ABCB1: variants seen among roughly 807,000 people sequenced by gnomAD.
The protein encoded by ABCB1 is ATP-dependent translocase ABCB1.
A neutral mutation model predicts 142.0 loss-of-function variants in ABCB1; 69 were observed. The observed-to-expected ratio is 0.49, with a 90% CI of 0.40 to 0.59. The LOEUF is 0.59. ABCB1 is among the 20% of genes least tolerant of loss of function. The probability of loss-of-function intolerance (pLI) is 0.00; values close to 1 mark genes in which losing one functional copy is unlikely to be tolerated. For missense variants in ABCB1, 1,326 were observed against 1,554.7 expected (o/e 0.85, Z 2.47); for synonymous variants, 532 against 539.2 (o/e 0.99, Z 0.18).
intron 1 of ABCB1, among the ~76,000 whole-genome samples, chr7:87,649,814 G>A (rs1331632943): frequency 6.6e-6 from 1 of 152,122 alleles, no homozygotes; most frequent in Non-Finnish European, 1.5e-5. Context: ...CCTTTCCCAT[G>A]CTGTTCTTGT....
At chr7:87,646,569 C>T (rs1362515922) in intron 1 of ABCB1, among the ~76,000 whole-genome samples, 1 of 152,064 alleles carries the variant, frequency 6.6e-6, no homozygotes, top group African/African-American at 2.4e-5. Context: ...CTTTCTTATT[C>T]CATTCTACTG....
chr7:87,545,731 C>T (rs1024945133), intron 15 of ABCB1, 132 bp downstream of exon 15: 3 of 924,422 alleles, frequency 3.2e-6, no homozygotes, highest in Non-Finnish European at 4.8e-6. Context: ...ACACTGGTCT[C>T]ATCCTGAATC....
At position 87,648,708 on chromosome 7, in the gene ABCB1, G is replaced by A. The variant is rs28746500; in HGVS notation, c.-330-47630C>T. On this transcript the variant is annotated intron_variant, in intron 1 of 28. Coordinates refer to the ABCB1 transcript ENST00000265724. Reference sequence around the variant, plus strand: ...AATGTTTTAGTATTTTTTATTTCCCGATATAACTGGTTGTAAGAAAGTTTT... The same window carrying A: ...AATGTTTTAGTATTTTTTATTTCCCAATATAACTGGTTGTAAGAAAGTTTT... Among the ~76,000 whole-genome samples, 192 of 151,870 alleles carry A rather than the reference G, an allele frequency of 1.3e-3. 2 individuals are homozygous for A. Among genetic ancestry groups the A allele is most frequent in the South Asian group, 0.011 (52 of 4,798 alleles).
rs113822506 is a variant in ABCB1 at position 87,522,368 on chromosome 7, G to A, written c.2686-1492C>T. On this transcript the variant is annotated intron_variant, in intron 21 of 27. Transcript: ENST00000622132. ...CAAACCATGAAACCAAGGTGGCTAT[G>A]GCAGTTCCAGTAGCAGCAGTAGCTA... The A allele has an allele frequency of 2.1e-3, 1,486 of 718,142 alleles. 14 individuals carry two copies. In the African/African-American group the frequency reaches 0.022, roughly 11 times the overall value. 44.5% of individuals were successfully genotyped at this position (718,142 alleles called of 1,614,324 possible).
intron 4 of ABCB1, among the ~76,000 whole-genome samples, chr7:87,573,184 A>G (rs1818124856): frequency 6.6e-6 from 1 of 152,220 alleles, no homozygotes; most frequent in Non-Finnish European, 1.5e-5. Context: ...ACGACAGTCA[A>G]GAGGGCACAT....
At chr7:87,539,782 T>C (rs1211709728) in intron 18 of ABCB1, among the ~76,000 whole-genome samples, 2 of 152,204 alleles carry the variant, frequency 1.3e-5, no homozygotes, top group Non-Finnish European at 2.9e-5. Flanking sequence ...GACTTTGTTC[T>C]CACCTGTTTT....
intron 8 of ABCB1, among the ~76,000 whole-genome samples, chr7:87,560,117 A>G (rs1817497973): frequency 6.6e-6 from 1 of 152,226 alleles, no homozygotes; most frequent in East Asian, 1.9e-4. Flanking sequence ...TACCACCCCC[A>G]TTAGAATTTA....
chr7:87,664,598 A>C (rs1463403113), intron 1 of ABCB1, among the ~76,000 whole-genome samples: 1 of 152,170 alleles, frequency 6.6e-6, no homozygotes, highest in Non-Finnish European at 1.5e-5. Context: ...ATTTAAAAGT[A>C]TGATGTCTGA....
chr7:87,702,954 C>A (rs1829226566), intron 1 of ABCB1, among the ~76,000 whole-genome samples: 1 of 152,124 alleles, frequency 6.6e-6, no homozygotes, highest in South Asian at 2.1e-4. Context: ...TCACTCAACT[C>A]AGGTATCAAA....
chr7:87,606,037 T>C (rs1819639369), intron 1 of ABCB1, among the ~76,000 whole-genome samples: 1 of 151,972 alleles, frequency 6.6e-6, no homozygotes, highest in Non-Finnish European at 1.5e-5. Flanking sequence ...AATTCACATT[T>C]AAAACCAACA....
intron 1 of ABCB1, among the ~76,000 whole-genome samples, chr7:87,694,506 A>G (rs549002417): frequency 6.6e-6 from 1 of 152,230 alleles, no homozygotes; most frequent in East Asian, 1.9e-4. Context: ...TTATTTTTAA[A>G]TAGTAGAACG....
At chr7:87,504,967 C>T (rs1318760152) in intron 27 of ABCB1, among the ~76,000 whole-genome samples, 3 of 147,602 alleles carry the variant, frequency 2.0e-5, no homozygotes, top group Non-Finnish European at 3.0e-5. Flanking sequence ...CTATCCCTAA[C>T]TTTTTTTTTT....
chr7:87,649,346 G>A (rs1480116288), intron 1 of ABCB1, among the ~76,000 whole-genome samples: 1 of 152,180 alleles, frequency 6.6e-6, no homozygotes, highest in Non-Finnish European at 1.5e-5. Flanking sequence ...AACGTTCAAA[G>A]CATTGTCCTA....
intron 1 of ABCB1, among the ~76,000 whole-genome samples, chr7:87,691,970 TTGGTCCAGATATTTC>T (rs1828057170): frequency 6.6e-6 from 1 of 152,200 alleles, no homozygotes. Context: ...GGATTGTTGT[TTGGTCCAGATATTTC>T]TGGTTGCTTT....
chr7:87,678,826 A>T (rs1826632106), intron 1 of ABCB1, among the ~76,000 whole-genome samples: 1 of 152,202 alleles, frequency 6.6e-6, no homozygotes, highest in African/African-American at 2.4e-5. Context: ...ACTGACAGGG[A>T]TAAAGTTGGA....
In ABCB1 at chr7:87,541,401, A is replaced by C. The variant is rs375295612; in HGVS notation, c.2275T>G (p.Phe759Val). 1.9e-6 allele frequency: 3 copies of C among 1,608,246 alleles called. No homozygotes were observed. In the African/African-American group the frequency reaches 4.0e-5, roughly 22 times the overall value. Residue 759 changes from phenylalanine (F) to valine (V), a missense_variant, in exon 18 of 28, where the codon TTT (phenylalanine) becomes GTT (valine). Coordinates refer to ENST00000622132, the MANE Select transcript of ABCB1 (RefSeq NM_001348946.2). The part of the protein sequence containing the change: ...RQNSNLFSLL[F>V]LALGIISFIT... ...AAAGAAATAATTCCAAGGGCTAGAA[A>C]CAATAGTGAAAACAAGTTACTATTC...
At chr7:87,587,346 G>C (rs1329928936) in intron 3 of ABCB1, among the ~76,000 whole-genome samples, 1 of 152,220 alleles carries the variant, frequency 6.6e-6, no homozygotes, top group Non-Finnish European at 1.5e-5. Flanking sequence ...GATCATGAAA[G>C]TAGACATTTA....
At chr7:87,643,538 G>A (rs903706797) in intron 1 of ABCB1, among the ~76,000 whole-genome samples, 8 of 151,984 alleles carry the variant, frequency 5.3e-5, no homozygotes, top group African/African-American at 9.7e-5. Context: ...GTGTGGGTGC[G>A]GGGCAGGGAG....
At chr7:87,539,366 T>C (rs1239187950) in intron 18 of ABCB1, 21 bp from the exon 19 acceptor site, 3 of 1,609,468 alleles carry the variant, frequency 1.9e-6, no homozygotes, top group Non-Finnish European at 2.6e-6. Flanking sequence ...GAACATACCT[T>C]GTCAGGGACC....
Sources: allele counts gnomAD v4.1 joint callset (sites outside exome capture counted in the v4.1 genomes callset), GRCh38; gene constraint gnomAD v4.1.1; transcripts MANE v1.5; gene names NCBI Gene and HGNC (gene_info 2026-07-23, HGNC 2026-07-21).